The following SCHIP1 variants were observed in gnomAD, a reference collection of about 807,000 sequenced individuals.
SCHIP1 encodes the protein schwannomin interacting protein 1.
A neutral mutation model predicts 29.7 loss-of-function variants in SCHIP1; 8 were observed. That is an observed-to-expected ratio of 0.27 (90% CI 0.16 to 0.49). The LOEUF is 0.49. Among genes scored for constraint, SCHIP1 ranks in the 20% least tolerant of loss-of-function variants. The pLI is 0.99. For synonymous variants in SCHIP1, 76 were observed against 94.9 expected, an observed-to-expected ratio of 0.80 and a Z score of 1.16; for missense variants, 193 against 294.6, an observed-to-expected ratio of 0.66 and a Z score of 2.52.
chr3:159,810,247 A>T, the SCHIP1 span, among the ~76,000 whole-genome samples: 1 of 151,842 alleles, frequency 6.6e-6, no homozygotes, highest in Non-Finnish European at 1.5e-5. Flanking sequence ...GGGTTTCACT[A>T]TGTTGGCCAG....
At chr3:159,631,525 T>C in the SCHIP1 span, among the ~76,000 whole-genome samples, 1 of 152,182 alleles carries the variant, frequency 6.6e-6, no homozygotes, top group Non-Finnish European at 1.5e-5. Flanking sequence ...CACGCTACCC[T>C]GTCAATAAAC....
At chr3:159,445,326 G>T in the SCHIP1 span, among the ~76,000 whole-genome samples, 1 of 151,566 alleles carries the variant, frequency 6.6e-6, no homozygotes, top group East Asian at 1.9e-4. Context: ...ACCACAATGA[G>T]ATACCATCTC....
At chr3:159,404,991 G>T in the SCHIP1 span, among the ~76,000 whole-genome samples, 1 of 152,294 alleles carries the variant, frequency 6.6e-6, no homozygotes, top group East Asian at 1.9e-4. Context: ...AAGAGTCTCT[G>T]CTTGGTAATG....
chr3:159,622,321 T>C, the SCHIP1 span, among the ~76,000 whole-genome samples: 1 of 152,208 alleles, frequency 6.6e-6, no homozygotes, highest in Non-Finnish European at 1.5e-5. Flanking sequence ...AGTTACACTC[T>C]GGGTTAAAGG....
At chr3:159,505,668 G>A in the SCHIP1 span, among the ~76,000 whole-genome samples, 1 of 151,930 alleles carries the variant, frequency 6.6e-6, no homozygotes, top group Non-Finnish European at 1.5e-5. Context: ...TCCCCTTCCT[G>A]TGTCCAAGTG....
At chr3:159,302,279 A>T in the SCHIP1 span, among the ~76,000 whole-genome samples, 1 of 152,214 alleles carries the variant, frequency 6.6e-6, no homozygotes, top group East Asian at 1.9e-4. Context: ...GTCCTGAGCA[A>T]TTAGCAAAGT....
chr3:159,285,977 A>G, the SCHIP1 span, among the ~76,000 whole-genome samples: 1 of 152,144 alleles, frequency 6.6e-6, no homozygotes, highest in Non-Finnish European at 1.5e-5. Context: ...TCTTTCAAGA[A>G]CTATTTTTTG....
At chr3:159,590,717 G>GA in the SCHIP1 span, among the ~76,000 whole-genome samples, 1 of 152,144 alleles carries the variant, frequency 6.6e-6, no homozygotes, top group South Asian at 2.1e-4. Flanking sequence ...TTTAGCTCAG[G>GA]AAAGTTTCCT....
the SCHIP1 span, among the ~76,000 whole-genome samples, chr3:159,593,328 G>A: frequency 6.6e-6 from 1 of 152,128 alleles, no homozygotes; most frequent in Admixed American, 6.6e-5. Context: ...CTCCTGAACA[G>A]GCTGCCCTCT....
At chr3:159,379,124 T>C in the SCHIP1 span, among the ~76,000 whole-genome samples, 5 of 152,224 alleles carry the variant, frequency 3.3e-5, no homozygotes, top group African/African-American at 9.6e-5. Flanking sequence ...CCAATGATTT[T>C]ATAGCCTGTG....
intron 2 of SCHIP1, among the ~76,000 whole-genome samples, chr3:159,883,348 T>C (rs1481313970): frequency 1.3e-5 from 2 of 152,164 alleles, no homozygotes; most frequent in Admixed American, 6.5e-5. Flanking sequence ...GGCAGCCAGA[T>C]GCACTGCAGT....
the SCHIP1 span, among the ~76,000 whole-genome samples, chr3:159,355,005 A>G: frequency 1.3e-5 from 2 of 152,118 alleles, no homozygotes; most frequent in East Asian, 3.8e-4. Context: ...GATATTCTAA[A>G]CTTTTGGCTG....
the SCHIP1 span, among the ~76,000 whole-genome samples, chr3:159,828,376 C>CATATATATATATAT: frequency 9.1e-4 from 69 of 75,716 alleles, 1 homozygote; most frequent in African/African-American, 4.3e-3. Flanking sequence ...TATATATATA[C>CATATATATATATAT]ATATATATAT....
the SCHIP1 span, among the ~76,000 whole-genome samples, chr3:159,359,641 G>T: frequency 6.6e-6 from 1 of 152,160 alleles, no homozygotes; most frequent in African/African-American, 2.4e-5. Context: ...TGTATGAACT[G>T]GGAATTAGAG....
chr3:159,308,633 A>C, the SCHIP1 span, among the ~76,000 whole-genome samples: 1 of 152,210 alleles, frequency 6.6e-6, no homozygotes, highest in African/African-American at 2.4e-5. Flanking sequence ...AAACAGGGCT[A>C]CCATTTGACC....
the SCHIP1 span, among the ~76,000 whole-genome samples, chr3:159,686,762 A>T: frequency 3.3e-5 from 5 of 152,180 alleles, no homozygotes; most frequent in African/African-American, 4.8e-5. Flanking sequence ...TGGAAATTAC[A>T]AATGTATTCA....
chr3:159,691,402 G>T, the SCHIP1 span, among the ~76,000 whole-genome samples: 1 of 147,286 alleles, frequency 6.8e-6, no homozygotes, highest in Admixed American at 6.7e-5. Flanking sequence ...CAGAGACTAG[G>T]ATTGCAACCC....
chr3:159,373,940 A>C, the SCHIP1 span, among the ~76,000 whole-genome samples: 1 of 152,160 alleles, frequency 6.6e-6, no homozygotes, highest in African/African-American at 2.4e-5. Flanking sequence ...TAATACTCAC[A>C]AGTAAGATTA....
the SCHIP1 span, among the ~76,000 whole-genome samples, chr3:159,283,337 G>C: frequency 2.0e-5 from 3 of 152,024 alleles, no homozygotes; most frequent in Admixed American, 6.5e-5. Flanking sequence ...ATTCTCAGTA[G>C]AGACGAGGTT....
Sources: allele counts gnomAD v4.1 joint callset (sites outside exome capture counted in the v4.1 genomes callset), GRCh38; gene constraint gnomAD v4.1.1; transcripts MANE v1.5; gene names NCBI Gene and HGNC (gene_info 2026-07-23, HGNC 2026-07-21).